The following SYNE2 variants were observed in gnomAD, a reference collection of about 807,000 sequenced individuals.
SYNE2 encodes spectrin repeat containing nuclear envelope protein 2, also known as nesprin-2.
A neutral mutation model predicts 856.3 loss-of-function variants in SYNE2; 431 were observed. The ratio of observed to expected loss-of-function variants is 0.50; its 90% CI spans 0.47 to 0.55. SYNE2 has a LOEUF of 0.55. Ranked by LOEUF, SYNE2 falls within the 20% of genes least tolerant of loss-of-function variation. The pLI is 0.00. For synonymous variants in SYNE2, 2,923 were observed against 2,872.3 expected, an observed-to-expected ratio of 1.02 and a Z score of -0.56; for missense variants, 8,129 against 8,023.2, an observed-to-expected ratio of 1.01 and a Z score of -0.50.
At chr14:63,810,352 T>G (rs1160036364) in intron 1 of SYNE2, among the ~76,000 whole-genome samples, 6 of 152,146 alleles carry the variant, frequency 3.9e-5, no homozygotes, top group Non-Finnish European at 8.8e-5. Flanking sequence ...ATAATAAGTG[T>G]GTCAAAAATG....
intron 85 of SYNE2, among the ~76,000 whole-genome samples, chr14:64,157,727 A>G (rs1408564678): frequency 6.6e-6 from 1 of 152,220 alleles, no homozygotes; most frequent in Non-Finnish European, 1.5e-5. Context: ...GTTTTTCCAC[A>G]TCGTCACCAA....
chr14:63,992,452 AT>A (rs1360897470), intron 21 of SYNE2, among the ~76,000 whole-genome samples: 2 of 151,620 alleles, frequency 1.3e-5, no homozygotes, highest in African/African-American at 4.9e-5. Context: ...ATTTAAAAAA[AT>A]TTTTTTTATA....
At chr14:63,970,212 C>A (rs778959992) in intron 11 of SYNE2, among the ~76,000 whole-genome samples, 1 of 150,870 alleles carries the variant, frequency 6.6e-6, no homozygotes, top group Non-Finnish European at 1.5e-5. Context: ...TTTTTGAGAT[C>A]GAATCTCACT....
chr14:63,929,840 A>G (rs1021239954), intron 2 of SYNE2, among the ~76,000 whole-genome samples: 1 of 152,084 alleles, frequency 6.6e-6, no homozygotes, highest in Non-Finnish European at 1.5e-5. Flanking sequence ...AGCCAGCCAT[A>G]TGAAATGCAA....
chr14:64,190,384 T>A, intron 99 of SYNE2, 147 bp downstream of exon 99: 1 of 1,048,104 alleles, frequency 9.5e-7, no homozygotes, highest in Non-Finnish European at 1.4e-6. Flanking sequence ...TGAGTGGAAA[T>A]TCTTTCAGTG....
intron 94 of SYNE2, among the ~76,000 whole-genome samples, chr14:64,172,776 T>A (rs960436432): frequency 2.0e-5 from 3 of 151,752 alleles, no homozygotes; most frequent in Admixed American, 1.3e-4. Flanking sequence ...TACAAAAAAA[T>A]TCAAAATTTA....
chr14:63,768,719 A>AAAAC (rs941711695), intron 1 of SYNE2, among the ~76,000 whole-genome samples: 2 of 152,170 alleles, frequency 1.3e-5, no homozygotes, highest in African/African-American at 2.4e-5. Context: ...CAGTGTGGAT[A>AAAAC]AAACAAACAA....
chr14:63,771,266 T>C (rs1181186514), intron 1 of SYNE2, among the ~76,000 whole-genome samples: 1 of 151,520 alleles, frequency 6.6e-6, no homozygotes, highest in Non-Finnish European at 1.5e-5. Flanking sequence ...GAGACGGGGT[T>C]TCACCGTGTT....
rs367608736 is a variant in SYNE2, at chr14:63,996,981, T to C, written c.2975T>C (p.Leu992Pro). The C allele has an allele frequency of 1.2e-6, 2 of 1,614,008 alleles. No homozygotes were observed. The highest frequency in any genetic ancestry group is 1.3e-5 in the African/African-American group (1 of 74,916). Residue 992 changes from leucine (L) to proline (P), a missense_variant, in exon 24 of 116, where the codon CTT becomes CCT. By Grantham distance (98) the Leu-to-Pro change is moderately conservative. Coordinates refer to ENST00000555002, the MANE Select transcript of SYNE2 (RefSeq NM_182914.3). ...TCTGAGGAAGGCTGCCTGTACCAGC[T>C]TAATCACCACATGGAAGTCCTGAGG... ...CFSEEGCLYQ[L>P]NHHMEVLREL...
At chr14:63,928,433 A>G (rs916845797) in intron 2 of SYNE2, among the ~76,000 whole-genome samples, 7 of 152,190 alleles carry the variant, frequency 4.6e-5, no homozygotes, top group African/African-American at 1.2e-4. Flanking sequence ...AACTCATTCT[A>G]TTGATTCAAT....
intron 99 of SYNE2, among the ~76,000 whole-genome samples, chr14:64,201,935 T>C (rs1277820218): frequency 6.6e-6 from 1 of 152,192 alleles, no homozygotes; most frequent in Non-Finnish European, 1.5e-5. Flanking sequence ...TTTAGGACTT[T>C]AAGGAAAGCG....
chr14:64,207,347 G>GGT (rs2098610433), intron 100 of SYNE2, among the ~76,000 whole-genome samples: 1 of 152,102 alleles, frequency 6.6e-6, no homozygotes, highest in Non-Finnish European at 1.5e-5. Flanking sequence ...GGCCAAGGAG[G>GGT]GTGGATCACT....
intron 107 of SYNE2, chr14:64,215,750 G>T (rs1596283110): frequency 2.5e-6 from 1 of 403,160 alleles, no homozygotes; most frequent in East Asian, 5.9e-5. Context: ...GGTTGGGGCG[G>T]TAAAGGGTGC....
intron 6 of SYNE2, among the ~76,000 whole-genome samples, chr14:63,943,466 T>C (rs1292356094): frequency 6.6e-6 from 1 of 152,064 alleles, no homozygotes; most frequent in Non-Finnish European, 1.5e-5. Context: ...AACTAACATA[T>C]AAAATTTAAA....
chr14:63,847,785 C>T (rs1298315799), intron 1 of SYNE2, among the ~76,000 whole-genome samples: 4 of 151,862 alleles, frequency 2.6e-5, no homozygotes, highest in Non-Finnish European at 4.4e-5. Flanking sequence ...GGGGTTTCAC[C>T]GTGTTGGCCA....
chr14:63,831,335 A>G (rs1275116952), intron 1 of SYNE2, among the ~76,000 whole-genome samples: 1 of 152,058 alleles, frequency 6.6e-6, no homozygotes, highest in Non-Finnish European at 1.5e-5. Flanking sequence ...ACCTCTTTCT[A>G]TCAAAATACA....
chr14:63,882,239 G>T (rs1440781492), intron 1 of SYNE2, among the ~76,000 whole-genome samples: 1 of 152,150 alleles, frequency 6.6e-6, no homozygotes, highest in East Asian at 1.9e-4. Flanking sequence ...TCATTAGGAT[G>T]AATTGGTGAG....
chr14:64,185,113 C>A (rs1214726103), intron 96 of SYNE2, among the ~76,000 whole-genome samples: 2 of 152,090 alleles, frequency 1.3e-5, no homozygotes, highest in African/African-American at 4.8e-5. Context: ...TAAAAATTAG[C>A]CAGTTGTGGT....
chr14:64,062,709 A>G, intron 49 of SYNE2, 42 bp from the exon 50 acceptor site: 1 of 1,551,084 alleles, frequency 6.4e-7, no homozygotes, highest in South Asian at 1.1e-5. Flanking sequence ...ATTGTGTTAA[A>G]TAAAATTTAA....
Sources: allele counts gnomAD v4.1 joint callset (sites outside exome capture counted in the v4.1 genomes callset), GRCh38; gene constraint gnomAD v4.1.1; transcripts MANE v1.5; gene names NCBI Gene and HGNC (gene_info 2026-07-23, HGNC 2026-07-21).